Variants in FOXP2 observed in about 807,000 individuals in gnomAD.
FOXP2 encodes the protein forkhead box P2.
Under a neutral mutation model 115.8 loss-of-function variants are expected in FOXP2, and 12 were observed. The observed-to-expected ratio is 0.10, with a 90% CI of 0.07 to 0.17. The LOEUF (loss-of-function observed/expected upper bound fraction) is 0.17, where lower values mean the gene tolerates loss of function less well. FOXP2 is among the 10% of genes least tolerant of loss of function. The pLI, the probability that FOXP2 is intolerant of heterozygous loss-of-function variation, is 1.00. For synonymous variants in FOXP2, 328 were observed against 297.7 expected, an observed-to-expected ratio of 1.10 and a Z score of -1.05; for missense variants, 629 against 843.5, an observed-to-expected ratio of 0.75 and a Z score of 3.15.
intron 1 of FOXP2, among the ~76,000 whole-genome samples, chr7:114,259,889 T>G (rs1451946448): frequency 6.6e-6 from 1 of 151,968 alleles, no homozygotes; most frequent in Non-Finnish European, 1.5e-5. Flanking sequence ...AATGTATATT[T>G]TTGTTGTTGT....
chr7:114,328,731 A>T (rs560760896), intron 2 of FOXP2, among the ~76,000 whole-genome samples: 1 of 152,344 alleles, frequency 6.6e-6, no homozygotes, highest in East Asian at 1.9e-4. Context: ...ACTGAAATAC[A>T]TGCCCTATAC....
chr7:114,258,059 T>C (rs1357998377), intron 1 of FOXP2, among the ~76,000 whole-genome samples: 7 of 152,206 alleles, frequency 4.6e-5, no homozygotes, highest in Non-Finnish European at 7.3e-5. Flanking sequence ...TTTTGAAACA[T>C]GATCTTGTTT....
chr7:114,676,148 C>T lies in FOXP2; in HGVS notation c.2003+11712C>T, dbSNP rs1272916033. Among the ~76,000 whole-genome samples the T allele has an allele frequency of 2.1e-5, 3 of 140,766 alleles. No homozygotes were observed. In the Admixed American group the frequency reaches 2.3e-4, roughly 11 times the overall value. 92.3% of individuals were successfully genotyped at this position (140,766 alleles called of 152,430 possible). A position where few individuals can be genotyped will look rare whatever the true frequency, so the allele number is the denominator to read the frequency against. On this transcript the variant is annotated intron_variant, in intron 16 of 16. Transcript: ENST00000350908. ...TTCTTCTTGTTGGCCAGTCTGGTCT[C>T]GAACTCCTGACCTCAGGTGATCCAC... is the stretch of plus-strand genomic sequence containing the variant.
chr7:114,445,282 T>C (rs1794783828), intron 2 of FOXP2, among the ~76,000 whole-genome samples: 1 of 152,158 alleles, frequency 6.6e-6, no homozygotes, highest in Non-Finnish European at 1.5e-5. Flanking sequence ...AAGAAGCTTA[T>C]TAAGAAAATG....
At chr7:114,226,280 T>G (rs564501825) in intron 1 of FOXP2, among the ~76,000 whole-genome samples, 53 of 152,286 alleles carry the variant, frequency 3.5e-4, no homozygotes, top group African/African-American at 1.2e-3. Flanking sequence ...GTACCCCAAA[T>G]AAAACCTCAG....
At chr7:114,111,851 A>G (rs537648629) in intron 1 of FOXP2, among the ~76,000 whole-genome samples, 2 of 152,076 alleles carry the variant, frequency 1.3e-5, no homozygotes, top group Admixed American at 6.6e-5. Context: ...ATTGGATCTC[A>G]TGGGAGCAAC....
chr7:114,485,795 T>C (rs904426508), intron 2 of FOXP2, among the ~76,000 whole-genome samples: 1 of 152,134 alleles, frequency 6.6e-6, no homozygotes, highest in Non-Finnish European at 1.5e-5. Flanking sequence ...CAGAAATAGG[T>C]AATGAACTAT....
upstream of FOXP2, among the ~76,000 whole-genome samples, chr7:114,086,768 G>A (rs1168596401): frequency 1.3e-5 from 2 of 152,248 alleles, no homozygotes; most frequent in African/African-American, 4.8e-5. Flanking sequence ...CTGCTTGCCG[G>A]GGCGAGTGTG....
chr7:114,222,517 T>C (rs1354193185), intron 1 of FOXP2, among the ~76,000 whole-genome samples: 2 of 152,224 alleles, frequency 1.3e-5, no homozygotes, highest in East Asian at 3.8e-4. Context: ...ATGTATTTAT[T>C]GGGCATTTAC....
chr7:114,409,311 G>A (rs1296682345), upstream of FOXP2, among the ~76,000 whole-genome samples: 1 of 152,060 alleles, frequency 6.6e-6, no homozygotes, highest in Non-Finnish European at 1.5e-5. Context: ...TGCACATTCA[G>A]TGATGTTAGT....
chr7:114,612,285 G>A (rs1417109567), intron 3 of FOXP2, among the ~76,000 whole-genome samples: 2 of 149,132 alleles, frequency 1.3e-5, no homozygotes, highest in Non-Finnish European at 3.0e-5. Context: ...GCAACACAGG[G>A]CATCCTTGCT....
rs528255439 is a variant in FOXP2, at chr7:114,229,829, G to A, written c.-101-58190G>A. 1.1e-3 allele frequency among the ~76,000 whole-genome samples: 162 copies of A among 151,428 alleles called. No individual in the cohort carries two copies. In the South Asian group the frequency reaches 0.013, roughly 12 times the overall value. Reference sequence around the variant, plus strand: ...CAAATAATGAACTTGACTCTACACCGTAAGAAACCAGAAGAAGAAGAAAAA... The same window carrying A: ...CAAATAATGAACTTGACTCTACACCATAAGAAACCAGAAGAAGAAGAAAAA... On this transcript the variant is annotated intron_variant, in intron 1 of 17. Transcript: ENST00000634411.
At chr7:114,405,706 A>G (rs934117250) in intron 2 of FOXP2, among the ~76,000 whole-genome samples, 2 of 151,904 alleles carry the variant, frequency 1.3e-5, no homozygotes, top group African/African-American at 2.4e-5. Context: ...ATACATGGTT[A>G]TTTAAGGTTG....
At chr7:114,382,808 G>A (rs1283025461) in intron 2 of FOXP2, among the ~76,000 whole-genome samples, 1 of 152,168 alleles carries the variant, frequency 6.6e-6, no homozygotes, top group Non-Finnish European at 1.5e-5. Flanking sequence ...AGGGAGGTGT[G>A]CTTCCTTAAT....
rs576901873 is a variant in FOXP2 at position 114,415,245 on chromosome 7, C to G, written c.-126C>G. The G allele has an allele frequency of 4.4e-6, 2 of 453,768 alleles. No individual in the cohort carries two copies. Among genetic ancestry groups the G allele is most frequent in the African/African-American group, 4.0e-5 (2 of 49,942 alleles). The allele number at this position is 453,768 out of a possible 1,614,324, so 28.1% of individuals were successfully genotyped here. The stretch of plus-strand genomic sequence containing the variant: ...CAGTGAGCTAGCTTCTGAGTTTTCC[C>G]TTCTTTTTATACTGTTTTCTGTGCT... On this transcript the variant is annotated 5_prime_UTR_variant, in exon 1 of 17. Coordinates refer to ENST00000350908, the MANE Select transcript of FOXP2 (RefSeq NM_014491.4).
intron 1 of FOXP2, among the ~76,000 whole-genome samples, chr7:114,169,706 G>A (rs567306533): frequency 1.5e-4 from 21 of 142,430 alleles, no homozygotes; most frequent in African/African-American, 5.5e-4. Context: ...GTCAGGGCTG[G>A]AATGATATGG....
intron 1 of FOXP2, among the ~76,000 whole-genome samples, chr7:114,188,631 T>C (rs1040401033): frequency 1.3e-5 from 2 of 152,210 alleles, no homozygotes; most frequent in African/African-American, 4.8e-5. Context: ...GCTCTGTTGC[T>C]GAGGCAGGAG....
chr7:114,465,405 G>A (rs917840169), intron 2 of FOXP2, among the ~76,000 whole-genome samples: 1 of 152,166 alleles, frequency 6.6e-6, no homozygotes, highest in Non-Finnish European at 1.5e-5. Flanking sequence ...CAATTTGGAA[G>A]GCATTCATAA....
At chr7:114,669,816 T>C (rs1807397048) in intron 16 of FOXP2, 1 of 152,062 alleles carries the variant, frequency 6.6e-6, no homozygotes, top group African/African-American at 2.4e-5. Flanking sequence ...GTACCCACCA[T>C]GTTTAGTTCT....
Sources: allele counts gnomAD v4.1 joint callset (sites outside exome capture counted in the v4.1 genomes callset), GRCh38; gene constraint gnomAD v4.1.1; transcripts MANE v1.5; gene names NCBI Gene and HGNC (gene_info 2026-07-23, HGNC 2026-07-21).